The following RANBP2 variants were observed in gnomAD, a reference collection of about 807,000 sequenced individuals.
RANBP2 encodes RAN binding protein 2.
In RANBP2, 57 loss-of-function variants were observed where a neutral mutation model predicts 303.6. The ratio of observed to expected loss-of-function variants is 0.19; its 90% CI spans 0.15 to 0.23. The LOEUF (loss-of-function observed/expected upper bound fraction) is 0.23. RANBP2 is among the 10% of genes least tolerant of loss of function. The pLI, the probability that RANBP2 is intolerant of heterozygous loss-of-function variation, is 1.00. For synonymous variants in RANBP2, 1,167 were observed against 1,301.5 expected (o/e 0.90, Z 2.23); for missense variants, 3,138 against 3,780.8 (o/e 0.83, Z 4.46).
the RANBP2 span, among the ~76,000 whole-genome samples, chr2:109,338,619 A>G: frequency 6.6e-6 from 1 of 152,182 alleles, no homozygotes; most frequent in African/African-American, 2.4e-5. Context: ...ATGCAGTGGT[A>G]CGATCTTGGC....
At chr2:108,928,078 T>C in the RANBP2 span, among the ~76,000 whole-genome samples, 1 of 152,088 alleles carries the variant, frequency 6.6e-6, no homozygotes, top group Non-Finnish European at 1.5e-5. Context: ...AGCGGAAGGC[T>C]CAAGTCTTCA....
In RANBP2 at chr2:108,751,931, C is replaced by T. The variant is rs774713432; in HGVS notation, c.1692C>T (p.Ala564=). The stretch of plus-strand genomic sequence containing the variant: ...AGCATGAAATAAACACTCTAAGAGC[C>T]CAGGAAAAACATGGCCTTCAACCTG... ...LVQHEINTLR[A]QEKHGLQPAL... The change falls in exon 12 of 29, where the codon GCC becomes GCT. Residue 564 remains alanine (A), a synonymous_variant. Coordinates refer to ENST00000283195, the MANE Select transcript of RANBP2 (RefSeq NM_006267.5). 3.1e-6 allele frequency: 5 copies of T among 1,611,852 alleles called. No homozygotes were observed. In the Admixed American group the frequency reaches 8.3e-5, roughly 27 times the overall value.
the RANBP2 span, among the ~76,000 whole-genome samples, chr2:109,332,677 G>A: frequency 5.9e-5 from 9 of 152,212 alleles, no homozygotes; most frequent in African/African-American, 2.2e-4. Context: ...AGGATGGGGC[G>A]ATGAGTCACC....
chr2:109,643,538 T>A, the RANBP2 span, among the ~76,000 whole-genome samples: 249 of 152,034 alleles, frequency 1.6e-3, 1 homozygote, highest in Non-Finnish European at 3.0e-3. Context: ...GGCTGGCAGA[T>A]CACCTGAGAT....
chr2:109,651,411 C>T, the RANBP2 span, among the ~76,000 whole-genome samples: 12 of 152,132 alleles, frequency 7.9e-5, no homozygotes, highest in African/African-American at 2.9e-4. Flanking sequence ...TGCTGCATTG[C>T]TCTCCCAAAC....
At chr2:109,482,334 G>A in the RANBP2 span, among the ~76,000 whole-genome samples, 1 of 152,126 alleles carries the variant, frequency 6.6e-6, no homozygotes, top group Non-Finnish European at 1.5e-5. Flanking sequence ...TACACATGAG[G>A]GAAGTGGGGC....
chr2:109,467,614 G>T, the RANBP2 span, among the ~76,000 whole-genome samples: 1 of 152,348 alleles, frequency 6.6e-6, no homozygotes, highest in East Asian at 1.9e-4. Context: ...ATTTTTAAAA[G>T]TTAAGACAGC....
At chr2:108,915,259 C>T in the RANBP2 span, among the ~76,000 whole-genome samples, 2 of 152,174 alleles carry the variant, frequency 1.3e-5, no homozygotes, top group African/African-American at 2.4e-5. Context: ...CACTCTTGTT[C>T]TGTGAGTGGG....
the RANBP2 span, among the ~76,000 whole-genome samples, chr2:109,182,921 A>C: frequency 6.6e-6 from 1 of 152,178 alleles, no homozygotes; most frequent in African/African-American, 2.4e-5. Flanking sequence ...AAATAACTTA[A>C]ACGTTTCCCA....
the RANBP2 span, among the ~76,000 whole-genome samples, chr2:109,018,936 C>T: frequency 4.6e-5 from 7 of 152,356 alleles, no homozygotes; most frequent in Admixed American, 6.5e-5. Context: ...AGTGGTGACA[C>T]GTAGCATGCC....
chr2:109,380,250 T>A, the RANBP2 span, among the ~76,000 whole-genome samples: 1 of 152,198 alleles, frequency 6.6e-6, no homozygotes, highest in African/African-American at 2.4e-5. Flanking sequence ...CTTCGTGAAA[T>A]TAACATCTTA....
chr2:109,321,879 T>G, the RANBP2 span, among the ~76,000 whole-genome samples: 1 of 152,216 alleles, frequency 6.6e-6, no homozygotes, highest in Non-Finnish European at 1.5e-5. Flanking sequence ...CACTGCTTAC[T>G]TCAAGTCCCA....
chr2:109,328,321 C>CT, the RANBP2 span, among the ~76,000 whole-genome samples: 2 of 152,192 alleles, frequency 1.3e-5, no homozygotes, highest in Non-Finnish European at 2.9e-5. Context: ...GAAGTTCCTA[C>CT]TCTTTTCCAC....
At chr2:109,006,974 T>G in the RANBP2 span, among the ~76,000 whole-genome samples, 17 of 152,348 alleles carry the variant, frequency 1.1e-4, no homozygotes, top group Admixed American at 1.1e-3. Flanking sequence ...TAAAAATGAT[T>G]GTTAAATTGG....
the RANBP2 span, among the ~76,000 whole-genome samples, chr2:109,238,282 C>T: frequency 6.6e-6 from 1 of 152,010 alleles, no homozygotes; most frequent in Non-Finnish European, 1.5e-5. Context: ...AAGCAGGATA[C>T]CAGATGGCAA....
the RANBP2 span, among the ~76,000 whole-genome samples, chr2:109,496,599 G>T: frequency 1.3e-5 from 2 of 152,192 alleles, no homozygotes; most frequent in Non-Finnish European, 2.9e-5. Flanking sequence ...CTTCTCCCCA[G>T]ATGTTCACAT....
At chr2:109,251,154 C>T in the RANBP2 span, among the ~76,000 whole-genome samples, 4 of 151,994 alleles carry the variant, frequency 2.6e-5, no homozygotes, top group African/African-American at 9.7e-5. Context: ...AGGCATCTGC[C>T]ACCATGCCTG....
At position 108,764,869 on chromosome 2, in the gene RANBP2, G is replaced by C. The variant is rs1677003992; in HGVS notation, c.4330G>C (p.Ala1444Pro). The change falls in exon 20 of 29, where the codon GCT (alanine) becomes CCT (proline). Residue 1444 changes from alanine to proline, a missense_variant. By Grantham distance (27) the Ala-to-Pro change is conservative (BLOSUM62 -1). Transcript: ENST00000283195. ...RCIACQNTKS[A>P]NKSGSSFVHQ... The stretch of plus-strand genomic sequence containing the variant: ...CATTGCGTGTCAGAATACAAAATCT[G>C]CTAACAAAAGTGGATCTTCATTTGT... 3 of 1,613,844 alleles carry C rather than the reference G, an allele frequency of 1.9e-6. No homozygotes were observed. The highest frequency in any genetic ancestry group is 2.5e-6 in the Non-Finnish European group (3 of 1,179,898).
the RANBP2 span, among the ~76,000 whole-genome samples, chr2:109,281,055 A>G: frequency 3.9e-5 from 6 of 152,218 alleles, no homozygotes; most frequent in South Asian, 1.0e-3. Flanking sequence ...CCGACCTTGT[A>G]TGCCATGACA....
Sources: gnomAD v4.1 joint callset for allele counts (sites outside exome capture counted in the v4.1 genomes callset) on GRCh38, gnomAD v4.1.1 for gene constraint, MANE v1.5 for transcripts, NCBI Gene and HGNC (gene_info 2026-07-23, HGNC 2026-07-21) for gene names.